GJB7: variants seen among roughly 807,000 people sequenced by gnomAD.
GJB7 encodes the protein gap junction beta-7 protein.
For synonymous variants in GJB7, 87 were observed against 95.2 expected (o/e 0.91, Z 0.50); for missense variants, 253 against 256.8 (o/e 0.99, Z 0.10).
At chr6:87,286,760 G>T (rs1562207836) in intron 2 of GJB7, among the ~76,000 whole-genome samples, 1 of 152,096 alleles carries the variant, frequency 6.6e-6, no homozygotes, top group Non-Finnish European at 1.5e-5. Context: ...TCTGAAAGGT[G>T]GTTTTTGTTT....
chr6:87,296,624 G>T (rs1226056258), intron 2 of GJB7, among the ~76,000 whole-genome samples: 1 of 152,182 alleles, frequency 6.6e-6, no homozygotes, highest in Non-Finnish European at 1.5e-5. Context: ...TCAATTTAAG[G>T]TTAAAGAGGA....
At chr6:87,326,717 G>A (rs1209316309) in intron 1 of GJB7, among the ~76,000 whole-genome samples, 3 of 126,386 alleles carry the variant, frequency 2.4e-5, no homozygotes, top group African/African-American at 9.5e-5. Flanking sequence ...TAGGTGTGGT[G>A]TGGTGCTGAA....
At chr6:87,301,273 T>C (rs1776320376) in intron 2 of GJB7, among the ~76,000 whole-genome samples, 1 of 152,108 alleles carries the variant, frequency 6.6e-6, no homozygotes, top group African/African-American at 2.4e-5. Context: ...GGAATTCCCT[T>C]TCCTAGCCAA....
At chr6:87,302,084 C>T (rs1776338392) in intron 2 of GJB7, among the ~76,000 whole-genome samples, 1 of 152,134 alleles carries the variant, frequency 6.6e-6, no homozygotes, top group Non-Finnish European at 1.5e-5. Context: ...GGGGAAAAAA[C>T]AGAGCAGAAA....
At chr6:87,306,917 C>T (rs144524827) in intron 2 of GJB7, among the ~76,000 whole-genome samples, 2,237 of 152,110 alleles carry the variant, frequency 0.015, 58 homozygotes, top group African/African-American at 0.05. Flanking sequence ...AGTGAACTAT[C>T]GCAAGAACAA....
chr6:87,299,359 G>C, intron 2 of GJB7: 1 of 485,086 alleles, frequency 2.1e-6, no homozygotes, highest in South Asian at 1.6e-5. Context: ...AGTAAAGGAT[G>C]GAAAAACACT....
In GJB7 at chr6:87,284,040, T is replaced by G. The variant is rs1443120320; in HGVS notation, c.*201A>C. The G allele has an allele frequency of 8.8e-6, 5 of 565,490 alleles. No individual in the cohort carries two copies. The highest frequency in any genetic ancestry group is 1.9e-5 in the African/African-American group (1 of 53,398). 35.0% of individuals were successfully genotyped at this position (565,490 alleles called of 1,614,324 possible). A position where few individuals can be genotyped will look rare whatever the true frequency, so the allele number is the denominator to read the frequency against. On this transcript the variant is annotated 3_prime_UTR_variant, in exon 3 of 3. Coordinates refer to ENST00000525899, the MANE Select transcript of GJB7 (RefSeq NM_198568.3). The stretch of plus-strand genomic sequence containing the variant: ...TAAAAAAATTCCTCCCAAATGATAC[T>G]AAGGCTGATGTGCTTTGTCTTCCAA...
chr6:87,326,344 C>T (rs150148983), intron 1 of GJB7, among the ~76,000 whole-genome samples: 17,421 of 151,942 alleles, frequency 0.11, 1,034 homozygotes, highest in East Asian at 0.13. Flanking sequence ...TTCTAGTTCT[C>T]TTAATTGTGA....
intron 2 of GJB7, among the ~76,000 whole-genome samples, chr6:87,309,286 G>A (rs1160197932): frequency 6.6e-6 from 1 of 152,212 alleles, no homozygotes. Flanking sequence ...GCTTCTGCAG[G>A]ATACCCTTGT....
At chr6:87,311,636 G>A (rs796644304) in intron 2 of GJB7, among the ~76,000 whole-genome samples, 1 of 152,236 alleles carries the variant, frequency 6.6e-6, no homozygotes, top group South Asian at 2.1e-4. Flanking sequence ...ACACAGTAAG[G>A]TGACAGTCTG....
intron 2 of GJB7, among the ~76,000 whole-genome samples, chr6:87,320,438 C>T (rs1776639354): frequency 6.6e-6 from 1 of 152,172 alleles, no homozygotes; most frequent in African/African-American, 2.4e-5. Context: ...TCTATTCCAA[C>T]TATTCTGTTC....
chr6:87,327,511 T>C (rs2127917594), intron 1 of GJB7, among the ~76,000 whole-genome samples: 1 of 150,366 alleles, frequency 6.7e-6, no homozygotes, highest in Admixed American at 6.6e-5. Context: ...CCTTCACTTA[T>C]GAAGCTTAGT....
intron 2 of GJB7, chr6:87,299,024 C>A: frequency 2.0e-6 from 1 of 501,574 alleles, no homozygotes; most frequent in Non-Finnish European, 4.0e-6. Context: ...AAAGGATAAA[C>A]ATAAAAATAT....
At chr6:87,302,892 G>T (rs1028133107) in intron 2 of GJB7, among the ~76,000 whole-genome samples, 5 of 152,192 alleles carry the variant, frequency 3.3e-5, no homozygotes, top group African/African-American at 7.2e-5. Flanking sequence ...TTAAAGAAAA[G>T]AATTTTCAAC....
At position 87,322,768 on chromosome 6, in the gene GJB7, C is replaced by T. The variant is rs551365791; in HGVS notation, c.-28+98G>A. ...CCCTCCCAGGGAGGGAGCGTCCTCT[C>T]GGATAGCCCAAATCTTTGCCTCTCC... On this transcript the variant is annotated intron_variant, in intron 2 of 2. Coordinates refer to ENST00000525899, the MANE Select transcript of GJB7 (RefSeq NM_198568.3). 4 of 152,350 alleles carry T rather than the reference C, an allele frequency of 2.6e-5. No individual in the cohort carries two copies. In the South Asian group the frequency reaches 8.3e-4, roughly 32 times the overall value. 9.4% of individuals were successfully genotyped at this position (152,350 alleles called of 1,614,324 possible).
chr6:87,294,264 C>A (rs921505820), intron 2 of GJB7, among the ~76,000 whole-genome samples: 1 of 152,206 alleles, frequency 6.6e-6, no homozygotes, highest in African/African-American at 2.4e-5. Context: ...TGTGACGCTG[C>A]AAGATAATCA....
chr6:87,302,009 C>T (rs80162528), intron 2 of GJB7, among the ~76,000 whole-genome samples: 6 of 152,164 alleles, frequency 3.9e-5, no homozygotes, highest in Admixed American at 3.9e-4. Context: ...AAAGGACATC[C>T]ACACCAAAAC....
chr6:87,313,318 C>T (rs1776536619), intron 2 of GJB7, among the ~76,000 whole-genome samples: 1 of 152,170 alleles, frequency 6.6e-6, no homozygotes, highest in African/African-American at 2.4e-5. Context: ...TTATTTGAGG[C>T]ATTATGGGAC....
chr6:87,314,585 T>C (rs966296807), intron 2 of GJB7, among the ~76,000 whole-genome samples: 2 of 152,184 alleles, frequency 1.3e-5, no homozygotes, highest in Non-Finnish European at 2.9e-5. Context: ...TCCTGACCAG[T>C]TCCACTCTCT....
Sources: allele counts gnomAD v4.1 joint callset (sites outside exome capture counted in the v4.1 genomes callset), GRCh38; gene constraint gnomAD v4.1.1; transcripts MANE v1.5; gene names NCBI Gene and HGNC (gene_info 2026-07-23, HGNC 2026-07-21).